The following ALMS1 variants were observed in gnomAD, a reference collection of about 807,000 sequenced individuals.
ALMS1 encodes ALMS1 centrosome and basal body associated protein.
ALMS1 carries 271 observed loss-of-function variants against 352.2 expected under a neutral mutation model. The ratio of observed to expected loss-of-function variants is 0.77; its 90% confidence interval spans 0.70 to 0.85. The LOEUF (loss-of-function observed/expected upper bound fraction) is 0.85, where lower values mean the gene tolerates loss of function less well. Among genes scored for constraint, ALMS1 ranks in the 40% least tolerant of loss-of-function variants. ALMS1 has a pLI of 0.00. For synonymous variants in ALMS1, 1,865 were observed against 1,761.2 expected (o/e 1.06, Z -1.48); for missense variants, 5,445 against 4,870.7 (o/e 1.12, Z -3.51).
chr2:73,465,261 A>G (rs545366440), intron 9 of ALMS1, among the ~76,000 whole-genome samples: 3,364 of 152,118 alleles, frequency 0.022, 109 homozygotes, highest in Admixed American at 0.087. Flanking sequence ...CAGTAACCAA[A>G]ACAGCATGGT....
In ALMS1 at chr2:73,572,502, A is replaced by T. The variant is rs761771973; in HGVS notation, c.10625A>T (p.Tyr3542Phe). ...YQNMDKTKTD[Y>F]TRIKSLSINV... The stretch of plus-strand genomic sequence containing the variant: ...AACATGGACAAGACTAAGACAGATT[A>T]TACCAGAATAAAGAGCCTCAGCATC... The change falls in exon 16 of 23, where the codon TAT (tyrosine) becomes TTT (phenylalanine). Residue 3542 changes from tyrosine (Y) to phenylalanine (F), a missense_variant. Tyr to Phe is a conservative substitution (Grantham distance 22, BLOSUM62 3). Transcript: ENST00000613296. 3 of 1,613,902 alleles carry T rather than the reference A, an allele frequency of 1.9e-6. No individual in the cohort carries two copies. Among genetic ancestry groups the T allele is most frequent in the Non-Finnish European group, 2.5e-6 (3 of 1,179,974 alleles).
intron 10 of ALMS1, among the ~76,000 whole-genome samples, chr2:73,499,943 T>G (rs1572976826): frequency 1.3e-5 from 2 of 152,314 alleles, no homozygotes; most frequent in Non-Finnish European, 2.9e-5. Flanking sequence ...GATTGGAAGC[T>G]TCCTGAGTTC....
chr2:73,401,446 T>G (rs192632129), intron 1 of ALMS1, among the ~76,000 whole-genome samples: 248 of 152,328 alleles, frequency 1.6e-3, no homozygotes, highest in Non-Finnish European at 2.7e-3. Flanking sequence ...AGTTGAAATA[T>G]TTTTAAATTT....
chr2:73,583,017 T>G (rs1300039506), intron 16 of ALMS1, among the ~76,000 whole-genome samples: 1 of 150,738 alleles, frequency 6.6e-6, no homozygotes, highest in Non-Finnish European at 1.5e-5. Context: ...GGTTCTAATT[T>G]CTTTACATCC....
intron 9 of ALMS1, among the ~76,000 whole-genome samples, chr2:73,465,405 T>C (rs1672312508): frequency 6.6e-6 from 1 of 152,148 alleles, no homozygotes; most frequent in Admixed American, 6.5e-5. Flanking sequence ...CCCTATTTAA[T>C]AAATGGTGCT....
chr2:73,568,726 A>G (rs1200699385), intron 15 of ALMS1, among the ~76,000 whole-genome samples: 1 of 152,168 alleles, frequency 6.6e-6, no homozygotes, highest in African/African-American at 2.4e-5. Flanking sequence ...TTAATTTTTA[A>G]AAGTCTGCAG....
chr2:73,605,476 T>C (rs2104208572), intron 21 of ALMS1, among the ~76,000 whole-genome samples: 1 of 152,332 alleles, frequency 6.6e-6, no homozygotes, highest in Admixed American at 6.5e-5. Context: ...AAAGATAGAC[T>C]GATGGATTTT....
chr2:73,409,760 C>T (rs1306620998), intron 2 of ALMS1, among the ~76,000 whole-genome samples: 3 of 152,014 alleles, frequency 2.0e-5, no homozygotes, highest in East Asian at 3.9e-4. Context: ...ATATATATAT[C>T]TTTATTGATA....
At position 73,452,418 on chromosome 2, in the gene ALMS1, C is replaced by A. The variant is rs1196949061; in HGVS notation, c.5891C>A (p.Ala1964Asp). 3.7e-6 allele frequency: 6 copies of A among 1,613,930 alleles called. No homozygotes were observed. Among genetic ancestry groups the A allele is most frequent in the Admixed American group, 1.7e-5 (1 of 59,950 alleles). Residue 1964 changes from alanine to aspartate, a missense_variant, in exon 8 of 23, where the codon GCT (alanine) becomes GAT (aspartate). Transcript: ENST00000613296. ...ELPDSHLTEE[A>D]LKVSPVSIPA... ...CCAGACAGTCATCTCACAGAAGAGG[C>A]TCTGAAAGTTTCACCTGTTTCTATA... is the stretch of plus-strand genomic sequence containing the variant.
chr2:73,475,698 C>T (rs528980878), intron 9 of ALMS1, among the ~76,000 whole-genome samples: 154 of 152,084 alleles, frequency 1.0e-3, no homozygotes, highest in African/African-American at 3.1e-3. Context: ...ACCTTTGATA[C>T]GCAAAAGTTT....
intron 11 of ALMS1, among the ~76,000 whole-genome samples, chr2:73,531,576 ATC>A (rs2103985732): frequency 6.6e-6 from 1 of 152,228 alleles, no homozygotes; most frequent in East Asian, 1.9e-4. Flanking sequence ...GCCTGTTCCA[ATC>A]TCTGCCTGTT....
chr2:73,416,293 C>T (rs1056306816), intron 2 of ALMS1, among the ~76,000 whole-genome samples: 1 of 152,110 alleles, frequency 6.6e-6, no homozygotes, highest in Non-Finnish European at 1.5e-5. Context: ...AAGCATGTTT[C>T]CAGTAGCAAT....
intron 2 of ALMS1, among the ~76,000 whole-genome samples, chr2:73,412,515 C>T (rs1218625750): frequency 1.3e-5 from 2 of 152,128 alleles, no homozygotes; most frequent in African/African-American, 4.8e-5. Flanking sequence ...AATGGCTGGA[C>T]GTGGTGGCTC....
intron 9 of ALMS1, chr2:73,470,606 A>G (rs892212804): frequency 6.6e-6 from 1 of 151,628 alleles, no homozygotes; most frequent in African/African-American, 2.4e-5. Context: ...TCTATCCTGG[A>G]GAATGTTCTA....
At chr2:73,489,076 C>T (rs1425355625) in intron 9 of ALMS1, among the ~76,000 whole-genome samples, 2 of 152,202 alleles carry the variant, frequency 1.3e-5, no homozygotes, top group Non-Finnish European at 2.9e-5. Context: ...CTGTCTTACA[C>T]ATGACTTCCA....
At chr2:73,563,053 A>G (rs1307890120) in intron 15 of ALMS1, among the ~76,000 whole-genome samples, 7 of 151,882 alleles carry the variant, frequency 4.6e-5, no homozygotes, top group Non-Finnish European at 1.0e-4. Flanking sequence ...AAAGACAGCA[A>G]AGCATGCAAG....
intron 16 of ALMS1, among the ~76,000 whole-genome samples, chr2:73,575,649 T>C (rs1024649326): frequency 2.0e-5 from 3 of 152,232 alleles, no homozygotes; most frequent in Non-Finnish European, 2.9e-5. Flanking sequence ...TCAAGTCATT[T>C]GGCCATTTTA....
chr2:73,545,868 T>C (rs1348419600), intron 12 of ALMS1, among the ~76,000 whole-genome samples: 2 of 152,252 alleles, frequency 1.3e-5, no homozygotes, highest in Admixed American at 1.3e-4. Context: ...TAATGAAAGA[T>C]GGGAAACTTC....
chr2:73,461,388 T>A (rs1337082877), intron 9 of ALMS1, among the ~76,000 whole-genome samples: 2 of 152,174 alleles, frequency 1.3e-5, no homozygotes, highest in Admixed American at 1.3e-4. Flanking sequence ...GACCTGCAGC[T>A]GAGGGTCCTG....
Sources: gnomAD v4.1 joint callset for allele counts (sites outside exome capture counted in the v4.1 genomes callset) on GRCh38, gnomAD v4.1.1 for gene constraint, MANE v1.5 for transcripts, NCBI Gene and HGNC (gene_info 2026-07-23, HGNC 2026-07-21) for gene names.